Variants in XKR7 observed in about 807,000 individuals in gnomAD.
XKR7 encodes the protein XK related 7.
A neutral mutation model predicts 42.2 loss-of-function variants in XKR7; 11 were observed. The ratio of observed to expected loss-of-function variants is 0.26; its 90% CI spans 0.16 to 0.43. The LOEUF (loss-of-function observed/expected upper bound fraction) is 0.43. Among genes scored for constraint, XKR7 ranks in the 20% least tolerant of loss-of-function variants. The pLI, the probability that XKR7 is intolerant of heterozygous loss-of-function variation, is 1.00. For missense variants in XKR7, 710 were observed against 802.2 expected, an observed-to-expected ratio of 0.89 and a Z score of 1.39; for synonymous variants, 346 against 366.4, an observed-to-expected ratio of 0.94 and a Z score of 0.64.
chr20:31,968,635 A>C lies in XKR7; in HGVS notation c.460A>C (p.Ser154Arg). The change falls in exon 1 of 3, where the codon AGC (serine) becomes CGC (arginine). Residue 154 changes from serine (S) to arginine (R), a missense_variant. Around this residue, in one of 2 missense-constraint regions of XKR7, gnomAD observed 708 missense variants for 786.2 expected, o/e 0.90. Transcript: ENST00000562532. The surrounding 1 kb of genome is among the most constrained non-coding windows in gnomAD (Gnocchi z 4.5). Reference protein sequence around the residue: ...SAGAFRTKEGSPEPGPQPAPS... With the variant: ...SAGAFRTKEGRPEPGPQPAPS... Reference sequence around the variant, plus strand: ...CGGCGCCTTCCGGACCAAAGAAGGCAGCCCCGAGCCGGGTCCCCAGCCTGC... The same window carrying C: ...CGGCGCCTTCCGGACCAAAGAAGGCCGCCCCGAGCCGGGTCCCCAGCCTGC... 1.9e-6 allele frequency: 3 copies of C among 1,591,278 alleles called. No individual in the cohort carries two copies. The highest frequency in any genetic ancestry group is 2.6e-6 in the Non-Finnish European group (3 of 1,174,924).
rs541991633 is a variant in XKR7, at chr20:31,991,282, C to T, written c.585-3786C>T. Reference sequence around the variant, plus strand: ...ACATTGGACCAGCTGGTCTCTCCTTCCTAGTCAAAGCCAGAGCCATGGGAA... The same window carrying T: ...ACATTGGACCAGCTGGTCTCTCCTTTCTAGTCAAAGCCAGAGCCATGGGAA... On this transcript the variant is annotated intron_variant, in intron 1 of 2. Transcript: ENST00000562532. Among the ~76,000 whole-genome samples the T allele has an allele frequency of 4.1e-3, 626 of 152,274 alleles. 3 individuals carry two copies. The highest frequency in any genetic ancestry group is 7.1e-3 in the Non-Finnish European group (484 of 68,000).
Position 31,968,899 on chromosome 20 carries a change from T to G in XKR7, c.584+140T>G. On this transcript the variant is annotated intron_variant, in intron 1 of 2. Coordinates refer to ENST00000562532, the MANE Select transcript of XKR7 (RefSeq NM_001011718.2). The surrounding 1 kb of genome is among the most constrained non-coding windows in gnomAD (Gnocchi z 4.5). ...CCCCCTCCCCACCCCATTGCAGCTC[T>G]AATTTCTTCTCAGTCGGCTTCTCCC... The G allele has an allele frequency of 2.9e-5, 39 of 1,329,648 alleles. No individual in the cohort carries two copies. The highest frequency in any genetic ancestry group is 3.7e-5 in the Non-Finnish European group (37 of 1,013,456). The allele number at this position is 1,329,648 out of a possible 1,614,324, so 82.4% of individuals were successfully genotyped here. A position where few individuals can be genotyped will look rare whatever the true frequency, so the allele number is the denominator to read the frequency against.
intron 1 of XKR7, among the ~76,000 whole-genome samples, chr20:31,975,477 G>A (rs1174400080): frequency 6.6e-6 from 1 of 152,026 alleles, no homozygotes; most frequent in Non-Finnish European, 1.5e-5. Context: ...GTCCTTCCAG[G>A]CTGAGCTCAA....
chr20:31,982,024 T>G (rs2064515651), intron 1 of XKR7, among the ~76,000 whole-genome samples: 1 of 152,180 alleles, frequency 6.6e-6, no homozygotes, highest in African/African-American at 2.4e-5. Flanking sequence ...AGCACTGCCA[T>G]CCACAGTGCT....
chr20:31,968,670 G>T lies in XKR7; in HGVS notation c.495G>T (p.Ser165=), dbSNP rs1410394468. ...CGGGTCCCCAGCCTGCGCCCTCCTC[G>T]GCCAGCGCCTACCGCCGCCGCTGCT... The part of the protein sequence containing the change: ...PEPGPQPAPS[S]ASAYRRRCCR... The change falls in exon 1 of 3, where the codon TCG becomes TCT. Residue 165 remains serine (S), a synonymous_variant. Coordinates refer to ENST00000562532, the MANE Select transcript of XKR7 (RefSeq NM_001011718.2). This position sits in a 1 kb window ranked among gnomAD's most constrained non-coding sequence, Gnocchi z 4.5. The T allele has an allele frequency of 6.4e-7, 1 of 1,569,954 alleles. No homozygotes were observed. Among genetic ancestry groups the T allele is most frequent in the Non-Finnish European group, 8.6e-7 (1 of 1,165,538 alleles).
chr20:31,993,995 C>G (rs2064580569), intron 1 of XKR7, among the ~76,000 whole-genome samples: 1 of 152,218 alleles, frequency 6.6e-6, no homozygotes, highest in African/African-American at 2.4e-5. Flanking sequence ...AGCTCTGGCT[C>G]TGTGACCTGT....
intron 1 of XKR7, among the ~76,000 whole-genome samples, chr20:31,975,736 G>C (rs948208019): frequency 1.1e-4 from 16 of 152,158 alleles, no homozygotes; most frequent in Non-Finnish European, 4.4e-5. Context: ...GGTCAGGGGA[G>C]ATTTCCACTT....
At chr20:31,979,702 T>C (rs1280089851) in intron 1 of XKR7, among the ~76,000 whole-genome samples, 1 of 152,164 alleles carries the variant, frequency 6.6e-6, no homozygotes, top group Non-Finnish European at 1.5e-5. Context: ...AAGTGATGTT[T>C]TCTCCCTGCC....
At position 31,968,530 on chromosome 20, in the gene XKR7, C is replaced by T. The variant is rs1293554112; in HGVS notation, c.355C>T (p.Pro119Ser). The change falls in exon 1 of 3, where the codon CCC becomes TCC. Residue 119 changes from proline (P) to serine (S), a missense_variant. By Grantham distance (74) the Pro-to-Ser change is moderately conservative (BLOSUM62 -1). Transcript: ENST00000562532. This position sits in a 1 kb window ranked among gnomAD's most constrained non-coding sequence, Gnocchi z 4.5. ...CTGGTTCGTCTACGACTACTCGGAGCCCGCAGGGTCCCCGGGACCCGCCGT... is the reference window on the plus strand; with the variant it reads ...CTGGTTCGTCTACGACTACTCGGAGTCCGCAGGGTCCCCGGGACCCGCCGT... ...FRWFVYDYSE[P>S]AGSPGPAVST... 1 of 1,608,212 alleles carries T rather than the reference C, an allele frequency of 6.2e-7. No homozygotes were observed. The highest frequency in any genetic ancestry group is 1.7e-5 in the Admixed American group (1 of 58,918).
chr20:31,982,247 A>T (rs2064516681), intron 1 of XKR7, among the ~76,000 whole-genome samples: 2 of 152,258 alleles, frequency 1.3e-5, no homozygotes, highest in South Asian at 4.1e-4. Context: ...TGGACTGGGC[A>T]TGGTGGCTCA....
At chr20:31,973,362 A>G (rs889041041) in intron 1 of XKR7, among the ~76,000 whole-genome samples, 1 of 152,234 alleles carries the variant, frequency 6.6e-6, no homozygotes, top group African/African-American at 2.4e-5. Context: ...TGCTGGGAAT[A>G]GAGTGGTGAA....
In XKR7 at chr20:31,968,660, C is replaced by T. The variant is rs541196906; in HGVS notation, c.485C>T (p.Ala162Val). The stretch of plus-strand genomic sequence containing the variant: ...AGCCCCGAGCCGGGTCCCCAGCCTG[C>T]GCCCTCCTCGGCCAGCGCCTACCGC... The part of the protein sequence containing the change: ...EGSPEPGPQP[A>V]PSSASAYRRR... The change falls in exon 1 of 3, where the codon GCG becomes GTG. Residue 162 changes from alanine to valine, a missense_variant. By Grantham distance (64) the Ala-to-Val change is moderately conservative (BLOSUM62 0). Coordinates refer to ENST00000562532, the MANE Select transcript of XKR7 (RefSeq NM_001011718.2). The surrounding 1 kb of genome is among the most constrained non-coding windows in gnomAD (Gnocchi z 4.5). The T allele has an allele frequency of 1.2e-5, 19 of 1,572,990 alleles. No homozygotes were observed. In the East Asian group the frequency reaches 4.3e-4, roughly 36 times the overall value.
chr20:31,982,196 G>A (rs981676423), intron 1 of XKR7, among the ~76,000 whole-genome samples: 1 of 152,202 alleles, frequency 6.6e-6, no homozygotes, highest in African/African-American at 2.4e-5. Flanking sequence ...AGCCATTTTA[G>A]CACAGTTTGG....
rs763207022 is a variant in XKR7, at chr20:31,995,108, C to G, written c.625C>G (p.Arg209Gly). The G allele has an allele frequency of 3.6e-5, 56 of 1,557,176 alleles. No homozygotes were observed. Among genetic ancestry groups the G allele is most frequent in the Non-Finnish European group, 4.4e-5 (51 of 1,151,636 alleles). ...GTACCTGGGGCTGCAGAGCCGCTGG[C>G]GCGGGGAGCGGCTGCGGCGCCACTT... ...ALYLGLQSRW[R>G]GERLRRHFYW... is the part of the protein sequence containing the mutation. The change falls in exon 2 of 3, where the codon CGC (arginine) becomes GGC (glycine). Residue 209 changes from arginine to glycine, a missense_variant. Around this residue, in one of 2 missense-constraint regions of XKR7, gnomAD observed 708 missense variants for 786.2 expected, o/e 0.90. Transcript: ENST00000562532. This position sits in a 1 kb window ranked among gnomAD's most constrained non-coding sequence, Gnocchi z 4.1.
chr20:31,981,337 C>T (rs2064511925), intron 1 of XKR7, among the ~76,000 whole-genome samples: 1 of 152,104 alleles, frequency 6.6e-6, no homozygotes, highest in South Asian at 2.1e-4. Flanking sequence ...GATGGCGCCA[C>T]TGCACTCCAG....
At chr20:31,974,908 C>G (rs1228906028) in intron 1 of XKR7, among the ~76,000 whole-genome samples, 1 of 152,112 alleles carries the variant, frequency 6.6e-6, no homozygotes, top group African/African-American at 2.4e-5. Flanking sequence ...CCAGGAGGCT[C>G]TCCACCCCCA....
chr20:31,971,491 G>A (rs1053615573), intron 1 of XKR7, among the ~76,000 whole-genome samples: 3 of 152,200 alleles, frequency 2.0e-5, no homozygotes, highest in South Asian at 2.1e-4. Context: ...ACCCAGAGAA[G>A]GTATAGAGAA....
In XKR7 at chr20:31,996,768, T is replaced by G. The variant is rs2064594252; in HGVS notation, c.1051T>G (p.Cys351Gly). The G allele has an allele frequency of 1.2e-6, 2 of 1,614,120 alleles. No homozygotes were observed. The highest frequency in any genetic ancestry group is 1.7e-6 in the Non-Finnish European group (2 of 1,180,024). The part of the protein sequence containing the change: ...FWVIQGETDF[C>G]MSKWEEIIYN... Reference sequence around the variant, plus strand: ...GGTCATCCAAGGGGAGACGGACTTCTGCATGTCCAAGTGGGAGGAGATCAT... The same window carrying G: ...GGTCATCCAAGGGGAGACGGACTTCGGCATGTCCAAGTGGGAGGAGATCAT... Residue 351 changes from cysteine to glycine, a missense_variant, in exon 3 of 3, where the codon TGC becomes GGC. Cys to Gly is a radical substitution (Grantham distance 159). Coordinates refer to ENST00000562532, the MANE Select transcript of XKR7 (RefSeq NM_001011718.2).
chr20:31,996,596 G>T lies in XKR7; in HGVS notation c.879G>T (p.Pro293=). Residue 293 remains proline (P), a synonymous_variant, in exon 3 of 3, where the codon CCG becomes CCT. Coordinates refer to ENST00000562532, the MANE Select transcript of XKR7 (RefSeq NM_001011718.2). ...GGGACTCGCGGGACGACAAGCGGCCGCTGTCCTACAAGGGCGCCGTGGCAC... is the reference window on the plus strand; with the variant it reads ...GGGACTCGCGGGACGACAAGCGGCCTCTGTCCTACAAGGGCGCCGTGGCAC... ...VLRDSRDDKR[P]LSYKGAVAQV... The T allele has an allele frequency of 6.4e-7, 1 of 1,553,456 alleles. No homozygotes were observed.
Sources: allele counts gnomAD v4.1 joint callset (sites outside exome capture counted in the v4.1 genomes callset), GRCh38; gene constraint gnomAD v4.1.1; regional missense constraint gnomAD v4.1.1; non-coding constraint Gnocchi (gnomAD v3.1); transcripts MANE v1.5; gene names NCBI Gene and HGNC (gene_info 2026-07-23, HGNC 2026-07-21).